FLNB: variants seen among roughly 807,000 people sequenced by gnomAD.
FLNB encodes the protein filamin B.
A neutral mutation model predicts 250.6 loss-of-function variants in FLNB; 111 were observed. The ratio of observed to expected loss-of-function variants is 0.44; its 90% CI spans 0.38 to 0.52. The LOEUF is 0.52. Ranked by LOEUF, FLNB falls within the 20% of genes least tolerant of loss-of-function variation. The probability of loss-of-function intolerance (pLI) is 0.00; values close to 1 mark genes in which losing one functional copy is unlikely to be tolerated. For missense variants in FLNB, 2,869 were observed against 3,447.8 expected, an observed-to-expected ratio of 0.83 and a Z score of 4.20; for synonymous variants, 1,302 against 1,372.1, an observed-to-expected ratio of 0.95 and a Z score of 1.13.
At chr3:58,094,614 G>A (rs2097234739) in intron 4 of FLNB, among the ~76,000 whole-genome samples, 1 of 152,164 alleles carries the variant, frequency 6.6e-6, no homozygotes, top group Non-Finnish European at 1.5e-5. Flanking sequence ...TCCTGACTGA[G>A]GTTCTCTGAA....
Position 58,121,436 on chromosome 3 carries a change from A to G in FLNB, c.3059A>G (p.Tyr1020Cys). 1 of 1,614,066 alleles carries G rather than the reference A, an allele frequency of 6.2e-7. No individual in the cohort carries two copies. Among genetic ancestry groups the G allele is most frequent in the Non-Finnish European group, 8.5e-7 (1 of 1,180,012 alleles). The change falls in exon 20 of 46, where the codon TAC becomes TGC. Residue 1020 changes from tyrosine (Y) to cysteine (C), a missense_variant. Tyr to Cys is a radical substitution (Grantham distance 194). Around this residue, in one of 5 missense-constraint regions of FLNB, gnomAD observed 1,348 missense variants for 1,466.7 expected, o/e 0.92. Coordinates refer to ENST00000295956, the MANE Select transcript of FLNB (RefSeq NM_001457.4). ...GGGCTGTATGCTGTAGACGTGACCT[A>G]CGATGGACACCCTGTGCCCGGGAGC... ...EEGLYAVDVT[Y>C]DGHPVPGSPY...
chr3:58,148,653 C>T lies in FLNB; in HGVS notation c.5892C>T (p.Ile1964=). The change falls in exon 36 of 46, where the codon ATC becomes ATT. Residue 1964 remains isoleucine (I), a synonymous_variant. Coordinates refer to ENST00000295956, the MANE Select transcript of FLNB (RefSeq NM_001457.4). ...LKRLPNNHIG[I]SFIPREVGEH... The stretch of plus-strand genomic sequence containing the variant: ...CCAATCTGTGTTCTGGTCCAGGCAT[C>T]TCCTTCATCCCCCGGGAAGTGGGCG... The T allele has an allele frequency of 1.2e-6, 2 of 1,614,022 alleles. No individual in the cohort carries two copies. The highest frequency in any genetic ancestry group is 1.7e-6 in the Non-Finnish European group (2 of 1,179,886).
At chr3:58,025,134 T>TTTC (rs140474589) in intron 1 of FLNB, among the ~76,000 whole-genome samples, 22 of 10,882 alleles carry the variant, frequency 2.0e-3, no homozygotes, top group East Asian at 0.062. Context: ...TCTTTCTTTC[T>TTTC]TTTTTTTTTT....
chr3:58,115,897 G>C (rs2097277038), intron 18 of FLNB, among the ~76,000 whole-genome samples: 1 of 152,026 alleles, frequency 6.6e-6, no homozygotes, highest in African/African-American at 2.4e-5. Flanking sequence ...CTTGGAGCTG[G>C]GTTTATTGTT....
At chr3:58,022,274 G>A (rs2097115249) in intron 1 of FLNB, among the ~76,000 whole-genome samples, 1 of 152,294 alleles carries the variant, frequency 6.6e-6, no homozygotes, top group South Asian at 2.1e-4. Context: ...CTGGTACATT[G>A]ACTTATTTGC....
chr3:58,150,384 T>C (rs2097342930), intron 38 of FLNB, 157 bp downstream of exon 38: 3 of 818,292 alleles, frequency 3.7e-6, no homozygotes, highest in Non-Finnish European at 6.0e-6. Flanking sequence ...TGTTCTTCTA[T>C]GTTTATTTTC....
chr3:58,113,477 A>G (rs951322409), intron 18 of FLNB, among the ~76,000 whole-genome samples: 2 of 152,106 alleles, frequency 1.3e-5, no homozygotes, highest in African/African-American at 2.4e-5. Context: ...AAGAAAGAGG[A>G]TTATAGTGAG....
chr3:58,117,607 C>G (rs2097280764), intron 18 of FLNB, among the ~76,000 whole-genome samples: 1 of 152,106 alleles, frequency 6.6e-6, no homozygotes, highest in South Asian at 2.1e-4. Context: ...GCGAGTCAGT[C>G]CTGCCTTAAA....
At position 58,123,153 on chromosome 3, in the gene FLNB, A is replaced by G. The variant is rs374724450; in HGVS notation, c.3187A>G (p.Ile1063Val). ...GLVGKPAEFT[I>V]DTKGAGTGGL... ...CGTGGGCAAGCCTGCCGAGTTCACC[A>G]TCGATACCAAAGGAGCTGGTACTGG... Residue 1063 changes from isoleucine (I) to valine (V), a missense_variant, in exon 21 of 46, where the codon ATC becomes GTC. Physicochemically the swap from Ile to Val is conservative, Grantham distance 29. This residue lies in a region of FLNB where 1,348 missense variants were observed against 1,466.7 expected (regional missense o/e 0.92). Transcript: ENST00000295956. The G allele has an allele frequency of 2.6e-5, 42 of 1,614,094 alleles. No homozygotes were observed. The highest frequency in any genetic ancestry group is 1.6e-4 in the Middle Eastern group (1 of 6,084).
intron 16 of FLNB, 145 bp downstream of exon 16, chr3:58,110,315 T>G (rs1459513996): frequency 6.9e-6 from 6 of 867,508 alleles, no homozygotes; most frequent in African/African-American, 1.7e-5. Flanking sequence ...CAAGCTAGAG[T>G]GCAGTGGTGT....
intron 11 of FLNB, among the ~76,000 whole-genome samples, chr3:58,106,052 A>G (rs567534450): frequency 6.6e-6 from 1 of 152,284 alleles, no homozygotes; most frequent in Admixed American, 6.5e-5. Flanking sequence ...AAGTCTTTAT[A>G]TCTTTATGCG....
At chr3:58,146,090 A>G (rs1406327650) in intron 33 of FLNB, 41 bp downstream of exon 33, 1 of 1,612,848 alleles carries the variant, frequency 6.2e-7, no homozygotes, top group Admixed American at 1.7e-5. Flanking sequence ...CCAGCTGTCC[A>G]TTTGGAGGGT....
chr3:58,133,008 C>A, intron 26 of FLNB, 77 bp downstream of exon 26: 1 of 1,484,766 alleles, frequency 6.7e-7, no homozygotes, highest in South Asian at 1.3e-5. Flanking sequence ...TCAGTCCATC[C>A]ACCCATCCGT....
At chr3:58,123,064 C>A in intron 20 of FLNB, 29 bp from the exon 21 acceptor site, 1 of 1,582,004 alleles carries the variant, frequency 6.3e-7, no homozygotes, top group Non-Finnish European at 8.7e-7. Flanking sequence ...GATCCCAGTG[C>A]AGTTTGACTT....
intron 1 of FLNB, among the ~76,000 whole-genome samples, chr3:58,060,573 G>A (rs532444461): frequency 6.6e-6 from 1 of 151,314 alleles, no homozygotes; most frequent in South Asian, 2.1e-4. Flanking sequence ...GGCTGGTCTC[G>A]AACTCCTGAT....
At chr3:58,154,412 G>C (rs1159593413) in intron 39 of FLNB, among the ~76,000 whole-genome samples, 1 of 152,164 alleles carries the variant, frequency 6.6e-6, no homozygotes, top group Non-Finnish European at 1.5e-5. Flanking sequence ...GGGCATGGCG[G>C]CATGAGCCTG....
At chr3:58,013,141 C>G (rs1201328145) in intron 1 of FLNB, among the ~76,000 whole-genome samples, 1 of 152,224 alleles carries the variant, frequency 6.6e-6, no homozygotes, top group Non-Finnish European at 1.5e-5. Context: ...ACCTTTCTGA[C>G]ATGGGGCAGT....
rs76499365 is a variant in FLNB at position 58,050,035 on chromosome 3, T to C, written c.293-27011T>C. 7.3e-5 allele frequency among the ~76,000 whole-genome samples: 11 copies of C among 151,180 alleles called. No individual in the cohort carries two copies. The South Asian group carries it at 2.1e-3, about 29-fold the overall frequency. ...ATAGAAAATGCCTTTTTTTTTTTTTTTTTCTTTTTTTTTGAGACAGAGTCT... is the reference window on the plus strand; with the variant it reads ...ATAGAAAATGCCTTTTTTTTTTTTTCTTTCTTTTTTTTTGAGACAGAGTCT... On this transcript the variant is annotated intron_variant, in intron 1 of 45. Transcript: ENST00000295956.
At chr3:58,104,178 G>T in intron 10 of FLNB, 93 bp downstream of exon 10, 11 of 1,276,002 alleles carry the variant, frequency 8.6e-6, no homozygotes, top group South Asian at 1.3e-5. Context: ...AGGAGGGAAA[G>T]AGATCTGCTT....
Sources: gnomAD v4.1 joint callset for allele counts (sites outside exome capture counted in the v4.1 genomes callset) on GRCh38, gnomAD v4.1.1 for gene constraint, gnomAD v4.1.1 regional missense constraint, MANE v1.5 for transcripts, NCBI Gene and HGNC (gene_info 2026-07-23, HGNC 2026-07-21) for gene names.